Variants in STK24 observed in about 807,000 individuals in gnomAD.
The protein encoded by STK24 is serine/threonine-protein kinase 24.
In STK24, 21 loss-of-function variants were observed where a neutral mutation model predicts 55.6. That is an observed-to-expected ratio of 0.38 (90% CI 0.27 to 0.54). The LOEUF is 0.54. STK24 is among the 20% of genes least tolerant of loss of function. The pLI, the probability that STK24 is intolerant of heterozygous loss-of-function variation, is 0.79. For missense variants in STK24, 383 were observed against 538.4 expected, an observed-to-expected ratio of 0.71 and a Z score of 2.86; for synonymous variants, 200 against 215.2, an observed-to-expected ratio of 0.93 and a Z score of 0.62.
At chr13:98,549,606 G>A (rs1897112639) in intron 1 of STK24, among the ~76,000 whole-genome samples, 1 of 151,952 alleles carries the variant, frequency 6.6e-6, no homozygotes. Context: ...TCCCACTCTC[G>A]CCATGTGACT....
intron 9 of STK24, among the ~76,000 whole-genome samples, chr13:98,460,136 G>C (rs958503135): frequency 6.6e-6 from 1 of 152,210 alleles, no homozygotes; most frequent in East Asian, 1.9e-4. Context: ...GTCTCGGGCT[G>C]GGTCACTGTC....
intron 2 of STK24, among the ~76,000 whole-genome samples, chr13:98,495,458 A>G (rs1223089988): frequency 2.6e-5 from 4 of 152,362 alleles, no homozygotes; most frequent in Non-Finnish European, 5.9e-5. Flanking sequence ...TATTGAGACA[A>G]AAAGAACTAA....
Position 98,448,458 on chromosome 13 carries a change from C to A in STK24, c.*4715G>T. 1 of 698,798 alleles carries A rather than the reference C, an allele frequency of 1.4e-6. No homozygotes were observed. The highest frequency in any genetic ancestry group is 2.5e-6 in the Non-Finnish European group (1 of 403,374). 43.3% of individuals were successfully genotyped at this position (698,798 alleles called of 1,614,324 possible). A position where few individuals can be genotyped will look rare whatever the true frequency, so the allele number is the denominator to read the frequency against. On this transcript the variant is annotated 3_prime_UTR_variant, in exon 11 of 11. Transcript: ENST00000539966. ...CCAGCAGCTCTCCTGTCTCCACAGC[C>A]GCGTTTTTTAACCCCGACCTCTCAG...
At chr13:98,493,520 A>G (rs1437471173) in intron 2 of STK24, among the ~76,000 whole-genome samples, 9 of 152,184 alleles carry the variant, frequency 5.9e-5, no homozygotes, top group African/African-American at 2.2e-4. Flanking sequence ...CATCTTCATT[A>G]AAGAGCAAAC....
intron 10 of STK24, chr13:98,453,411 C>CA (rs1259265691): frequency 1.7e-6 from 1 of 579,342 alleles, no homozygotes; most frequent in East Asian, 3.0e-5. Context: ...ACAAAAACTC[C>CA]AGAGCATGTC....
chr13:98,526,361 C>G (rs1404342120), intron 1 of STK24, among the ~76,000 whole-genome samples: 1 of 152,138 alleles, frequency 6.6e-6, no homozygotes, highest in Non-Finnish European at 1.5e-5. Flanking sequence ...TGTACTTGTT[C>G]CAGGCTCTGG....
At chr13:98,460,164 C>T (rs1893639625) in intron 9 of STK24, among the ~76,000 whole-genome samples, 1 of 151,890 alleles carries the variant, frequency 6.6e-6, no homozygotes, top group African/African-American at 2.4e-5. Context: ...CTACACATTC[C>T]AGGCTGCGGC....
At chr13:98,558,333 C>T (rs1412517370) in intron 1 of STK24, among the ~76,000 whole-genome samples, 2 of 152,206 alleles carry the variant, frequency 1.3e-5, no homozygotes, top group African/African-American at 4.8e-5. Context: ...CAGCATCCAG[C>T]TGAGCAATTT....
At chr13:98,536,225 T>C (rs1390346874) in intron 1 of STK24, among the ~76,000 whole-genome samples, 1 of 152,120 alleles carries the variant, frequency 6.6e-6, no homozygotes, top group Admixed American at 6.5e-5. Flanking sequence ...GCAATCAAGA[T>C]ACAATCTGTG....
intron 2 of STK24, among the ~76,000 whole-genome samples, chr13:98,498,125 C>A (rs1895317920): frequency 6.6e-6 from 1 of 152,200 alleles, no homozygotes; most frequent in African/African-American, 2.4e-5. Flanking sequence ...TAGCTGAGCA[C>A]TGATGGTCTA....
intron 1 of STK24, among the ~76,000 whole-genome samples, chr13:98,561,977 CAAAA>C (rs10564690): frequency 0.26 from 13,301 of 50,624 alleles, 233 homozygotes; most frequent in South Asian, 0.32. Flanking sequence ...GACTCCGTCT[CAAAA>C]AAAAAAAAAA....
chr13:98,511,009 A>T (rs1180400592), intron 2 of STK24, among the ~76,000 whole-genome samples: 6 of 152,154 alleles, frequency 3.9e-5, no homozygotes, highest in Admixed American at 2.0e-4. Context: ...CCTTACTAAT[A>T]AAAGAGATAG....
chr13:98,548,040 A>T (rs1325083409), intron 1 of STK24, among the ~76,000 whole-genome samples: 3 of 152,156 alleles, frequency 2.0e-5, no homozygotes, highest in Non-Finnish European at 4.4e-5. Context: ...AATCTACTGG[A>T]GGAGCTGACA....
intron 3 of STK24, 113 bp from the exon 4 acceptor site, chr13:98,475,471 T>C (rs1566355828): frequency 1.4e-6 from 1 of 695,756 alleles, no homozygotes; most frequent in Admixed American, 3.1e-5. Context: ...AAACCTGAAA[T>C]CTTCTTCACT....
In STK24 at chr13:98,487,768, C is replaced by T. The variant is rs60174591; in HGVS notation, c.274-5447G>A. ...TTGTTTCCATTTTTCGCTCTGACGG[C>T]CCAGGTGTCAAGGAAGAGCTGTACA... On this transcript the variant is annotated intron_variant, in intron 2 of 10. Transcript: ENST00000539966. Among the ~76,000 whole-genome samples the T allele has an allele frequency of 1.2e-3, 182 of 152,248 alleles. 4 individuals carry two copies. In the East Asian group the frequency reaches 0.033, roughly 27 times the overall value.
intron 2 of STK24, among the ~76,000 whole-genome samples, chr13:98,506,020 C>A (rs1895668013): frequency 2.0e-5 from 3 of 152,080 alleles, no homozygotes; most frequent in Admixed American, 2.0e-4. Flanking sequence ...TTTTAGATAG[C>A]CAATCAAAAA....
intron 1 of STK24, among the ~76,000 whole-genome samples, chr13:98,558,551 ACTC>A (rs1174346481): frequency 1.3e-5 from 2 of 150,718 alleles, no homozygotes; most frequent in African/African-American, 4.9e-5. Context: ...CATAAAGAAA[ACTC>A]CTCCTCCTCC....
chr13:98,524,449 G>A (rs1048165405), intron 1 of STK24, among the ~76,000 whole-genome samples: 4 of 152,192 alleles, frequency 2.6e-5, no homozygotes, highest in Non-Finnish European at 4.4e-5. Context: ...CACGGCACCG[G>A]ATAAACATGC....
At chr13:98,530,693 G>T (rs755810718) in intron 1 of STK24, among the ~76,000 whole-genome samples, 3 of 152,192 alleles carry the variant, frequency 2.0e-5, no homozygotes, top group Non-Finnish European at 4.4e-5. Context: ...AAGACCTCCA[G>T]CAAGTTCTTA....
Sources: gnomAD v4.1 joint callset for allele counts (sites outside exome capture counted in the v4.1 genomes callset) on GRCh38, gnomAD v4.1.1 for gene constraint, MANE v1.5 for transcripts, NCBI Gene and HGNC (gene_info 2026-07-23, HGNC 2026-07-21) for gene names.